Variants in MAP3K20 observed in about 807,000 individuals in gnomAD.
MAP3K20 encodes the protein mitogen-activated protein kinase kinase kinase 20.
Under a neutral mutation model 85.7 loss-of-function variants are expected in MAP3K20, and 40 were observed. The observed-to-expected ratio is 0.47, with a 90% confidence interval of 0.36 to 0.61. The LOEUF (loss-of-function observed/expected upper bound fraction) is 0.61. MAP3K20 is among the 20% of genes least tolerant of loss of function. The pLI is 0.00. For synonymous variants in MAP3K20, 325 were observed against 327.7 expected, an observed-to-expected ratio of 0.99 and a Z score of 0.09; for missense variants, 817 against 961.7, an observed-to-expected ratio of 0.85 and a Z score of 1.99.
chr2:173,177,902 G>T (rs925408390), intron 3 of MAP3K20, among the ~76,000 whole-genome samples: 1 of 152,148 alleles, frequency 6.6e-6, no homozygotes, highest in Admixed American at 6.5e-5. Context: ...GATAACCTGA[G>T]CCTCAACCTG....
At chr2:173,221,139 C>T in intron 11 of MAP3K20, 1 of 1,470,132 alleles carries the variant, frequency 6.8e-7, no homozygotes, top group Non-Finnish European at 9.1e-7. Flanking sequence ...TCCTTTCTTC[C>T]CTTTTGATAG....
At chr2:173,080,672 G>A (rs959216902) in intron 1 of MAP3K20, among the ~76,000 whole-genome samples, 2 of 152,126 alleles carry the variant, frequency 1.3e-5, no homozygotes, top group African/African-American at 2.4e-5. Context: ...AATTTTGGTG[G>A]GAGCATTCCT....
At chr2:173,233,436 TTTTTTGTTTG>T (rs1684567503) in intron 14 of MAP3K20, among the ~76,000 whole-genome samples, 1 of 152,124 alleles carries the variant, frequency 6.6e-6, no homozygotes, top group African/African-American at 2.4e-5. Context: ...GTCATGGTTG[TTTTTTGTTTG>T]TTTTTGTTTT....
At chr2:173,217,408 C>A (rs571526699) in intron 11 of MAP3K20, among the ~76,000 whole-genome samples, 158 bp downstream of exon 11, 2 of 152,224 alleles carry the variant, frequency 1.3e-5, no homozygotes, top group South Asian at 4.1e-4. Context: ...ACTCAAGCAG[C>A]GTTCATACCT....
intron 18 of MAP3K20, 27 bp downstream of exon 18, chr2:173,261,164 G>A: frequency 6.2e-7 from 1 of 1,607,346 alleles, no homozygotes; most frequent in South Asian, 1.1e-5. Flanking sequence ...AGAGGCTGGT[G>A]GCCTCACCAT....
At chr2:173,142,244 G>A (rs7564740) in intron 2 of MAP3K20, among the ~76,000 whole-genome samples, 23,409 of 152,020 alleles carry the variant, frequency 0.15, 2,600 homozygotes, top group African/African-American at 0.31. Flanking sequence ...AGGCCGAGGC[G>A]GGTGGATCAT....
intron 2 of MAP3K20, among the ~76,000 whole-genome samples, chr2:173,139,168 A>G (rs1244448605): frequency 6.6e-6 from 1 of 152,234 alleles, no homozygotes. Context: ...CCAGAAGCAC[A>G]CTGGAGAAGT....
chr2:173,158,368 A>G (rs1268088601), intron 2 of MAP3K20, among the ~76,000 whole-genome samples: 10 of 152,214 alleles, frequency 6.6e-5, no homozygotes, highest in Admixed American at 6.5e-4. Flanking sequence ...ATATAAAAAG[A>G]GGCAGAGGCA....
At chr2:173,101,234 G>A (rs1490688308) in intron 2 of MAP3K20, among the ~76,000 whole-genome samples, 1 of 152,116 alleles carries the variant, frequency 6.6e-6, no homozygotes, top group African/African-American at 2.4e-5. Flanking sequence ...TAGATGATTA[G>A]TGTGACCATA....
At chr2:173,166,031 A>G (rs993089231) in intron 2 of MAP3K20, among the ~76,000 whole-genome samples, 8 of 152,194 alleles carry the variant, frequency 5.3e-5, no homozygotes, top group African/African-American at 1.7e-4. Flanking sequence ...TCTGTTTACA[A>G]AAATTTTCAT....
At chr2:173,148,186 C>T (rs963257973) in intron 2 of MAP3K20, among the ~76,000 whole-genome samples, 1 of 152,164 alleles carries the variant, frequency 6.6e-6, no homozygotes, top group Non-Finnish European at 1.5e-5. Context: ...CCCTGTCCCC[C>T]CTCACACCAG....
chr2:173,086,553 G>T (rs868709598), intron 1 of MAP3K20, among the ~76,000 whole-genome samples: 1 of 152,182 alleles, frequency 6.6e-6, no homozygotes, highest in African/African-American at 2.4e-5. Context: ...AAACATTCAA[G>T]TAATTGGATA....
chr2:173,136,646 A>G (rs1255180558), intron 2 of MAP3K20, among the ~76,000 whole-genome samples: 2 of 152,200 alleles, frequency 1.3e-5, no homozygotes, highest in Admixed American at 6.5e-5. Context: ...CCTGAGGAAC[A>G]TGAAAGAGAA....
chr2:173,167,453 C>A (rs1340266494), intron 2 of MAP3K20, among the ~76,000 whole-genome samples: 1 of 152,052 alleles, frequency 6.6e-6, no homozygotes, highest in Non-Finnish European at 1.5e-5. Flanking sequence ...ACTGTTGGCC[C>A]ATTTCCATGA....
chr2:173,200,444 T>C (rs1176607673), intron 8 of MAP3K20, among the ~76,000 whole-genome samples: 1 of 152,236 alleles, frequency 6.6e-6, no homozygotes, highest in African/African-American at 2.4e-5. Flanking sequence ...GGTTATGGGT[T>C]GAAAAGAGAA....
Position 173,225,352 on chromosome 2 carries a change from G to A in MAP3K20, c.988-4337G>A, listed in dbSNP as rs140242133. On this transcript the variant is annotated intron_variant, in intron 11 of 19. Transcript: ENST00000375213. ...CTCACGCCTGTAATCCCAGCACTTT[G>A]GGAGGCCAAGGTGGGCGGATCACCT... 2.4e-3 allele frequency: 602 copies of A among 247,218 alleles called. 3 individuals carry two copies. Among genetic ancestry groups the A allele is most frequent in the African/African-American group, 0.012 (526 of 43,358 alleles). 15.3% of individuals were successfully genotyped at this position (247,218 alleles called of 1,614,324 possible). A position where few individuals can be genotyped will look rare whatever the true frequency, so the allele number is the denominator to read the frequency against.
At chr2:173,225,919 A>AG in intron 11 of MAP3K20, 1 of 984,980 alleles carries the variant, frequency 1.0e-6, no homozygotes, top group Non-Finnish European at 1.2e-6. Context: ...AAAAAAAAAA[A>AG]AGAAAAAAAA....
At chr2:173,153,569 G>A (rs567918062) in intron 2 of MAP3K20, among the ~76,000 whole-genome samples, 1 of 152,328 alleles carries the variant, frequency 6.6e-6, no homozygotes, top group East Asian at 1.9e-4. Context: ...GACAACTGGA[G>A]CAGATGACCT....
intron 16 of MAP3K20, among the ~76,000 whole-genome samples, chr2:173,256,058 G>A (rs1328801555): frequency 6.6e-6 from 1 of 152,224 alleles, no homozygotes; most frequent in African/African-American, 2.4e-5. Flanking sequence ...TCACTAATCG[G>A]CTTTCCGTCT....
Sources: gnomAD v4.1 joint callset for allele counts (sites outside exome capture counted in the v4.1 genomes callset) on GRCh38, gnomAD v4.1.1 for gene constraint, MANE v1.5 for transcripts, NCBI Gene and HGNC (gene_info 2026-07-23, HGNC 2026-07-21) for gene names.